The following TRPM2 variants were observed in gnomAD, a reference collection of about 807,000 sequenced individuals.
TRPM2 encodes estrogen-responsive element-associated gene 1 protein.
Under a neutral mutation model 174.0 loss-of-function variants are expected in TRPM2, and 161 were observed. That is an observed-to-expected ratio of 0.93 (90% confidence interval 0.81 to 1.05). The LOEUF (loss-of-function observed/expected upper bound fraction) is 1.05, where lower values mean the gene tolerates loss of function less well. Among genes scored for constraint, TRPM2 ranks in the 50% least tolerant of loss-of-function variants. The pLI is 0.00. For synonymous variants in TRPM2, 954 were observed against 861.3 expected (o/e 1.11, Z -1.88); for missense variants, 2,057 against 2,038.0 (o/e 1.01, Z -0.18).
At chr21:44,356,531 ATTTT>A (rs143434691) in intron 2 of TRPM2, among the ~76,000 whole-genome samples, 43 of 137,632 alleles carry the variant, frequency 3.1e-4, no homozygotes, top group African/African-American at 7.5e-4. Context: ...CTGCTTGGCT[ATTTT>A]TTTTTTTTTT....
At chr21:44,394,404 C>G (rs756814282) in intron 11 of TRPM2, among the ~76,000 whole-genome samples, 1 of 150,348 alleles carries the variant, frequency 6.7e-6, no homozygotes, top group African/African-American at 2.5e-5. Context: ...ACTGCAACCT[C>G]CACCTCCTGG....
At position 44,353,850 on chromosome 21, in the gene TRPM2, CG is replaced by C. The variant is rs1569004565; in HGVS notation, c.152del (p.Gly51AlafsTer85). 11 of 1,598,530 alleles carry C rather than the reference CG, an allele frequency of 6.9e-6. No individual in the cohort carries two copies. The South Asian group carries it at 9.0e-5, about 13-fold the overall frequency. On this transcript the variant is annotated frameshift_variant, in exon 1 of 32. Transcript: ENST00000397928. LOFTEE classifies it high-confidence loss of function. ...FKSWRLQCPF[G>X]NNDKQESLSS... The stretch of plus-strand genomic sequence containing the variant: ...AGAGCTGGAGGCTACAGTGCCCCTT[CG>C]GCAACAATGACAAGGTAGGCTTTCT...
At chr21:44,360,772 G>A (rs9980508) in intron 2 of TRPM2, among the ~76,000 whole-genome samples, 38,435 of 151,804 alleles carry the variant, frequency 0.25, 5,385 homozygotes, top group African/African-American at 0.39. Flanking sequence ...TCACCATGTT[G>A]GTCAGGCTGG....
chr21:44,368,035 TC>T (rs1177386239), intron 4 of TRPM2, among the ~76,000 whole-genome samples: 7 of 152,238 alleles, frequency 4.6e-5, no homozygotes. Flanking sequence ...AATATCCGTG[TC>T]CTTGTTGTCC....
chr21:44,353,992 A>G (rs1162605263), intron 1 of TRPM2, 127 bp downstream of exon 1: 1 of 1,157,998 alleles, frequency 8.6e-7, no homozygotes, highest in Non-Finnish European at 1.2e-6. Context: ...GCTCCTGCCC[A>G]ACCATACCTT....
chr21:44,377,871 C>A lies in TRPM2; in HGVS notation c.1014+98C>A, dbSNP rs530204777. On this transcript the variant is annotated intron_variant, in intron 7 of 31. Transcript: ENST00000397928. The stretch of plus-strand genomic sequence containing the variant: ...TTGTCTCAGAACTCAAGACTGTTGG[C>A]AAGAGGGCGATGAGCTTTCCCACCA... 5.6e-5 allele frequency: 76 copies of A among 1,359,264 alleles called. 1 individual carries two copies. The African/African-American group carries it at 8.0e-4, about 14-fold the overall frequency. The allele number at this position is 1,359,264 out of a possible 1,614,324, so 84.2% of individuals were successfully genotyped here.
chr21:44,381,608 A>G (rs1170539705), intron 8 of TRPM2, among the ~76,000 whole-genome samples: 4 of 151,924 alleles, frequency 2.6e-5, no homozygotes, highest in African/African-American at 9.7e-5. Flanking sequence ...ATAGACAGAC[A>G]GGTGATAAAA....
intron 8 of TRPM2, among the ~76,000 whole-genome samples, chr21:44,382,491 T>C (rs2048910693): frequency 6.6e-6 from 1 of 152,134 alleles, no homozygotes; most frequent in Non-Finnish European, 1.5e-5. Flanking sequence ...CCGTTGCCCT[T>C]GGATTGTGTT....
chr21:44,405,066 T>C, intron 16 of TRPM2, 76 bp from the exon 17 acceptor site: 1 of 1,591,516 alleles, frequency 6.3e-7, no homozygotes, highest in Admixed American at 1.7e-5. Context: ...TGATAGTGGA[T>C]AGTGATGTGA....
chr21:44,390,765 C>A, intron 9 of TRPM2, 139 bp from the exon 10 acceptor site: 2 of 1,122,018 alleles, frequency 1.8e-6, no homozygotes, highest in Admixed American at 2.0e-5. Flanking sequence ...GGGAGGAGGT[C>A]ACTGGGTGCT....
Position 44,434,808 on chromosome 21 carries a change from G to A in TRPM2, c.3975-323G>A, listed in dbSNP as rs562070530. ...GCCTTTGGATGCAAAGTGCTGGCCC[G>A]AGCAGTCGGCCAGTTCCATGCTCCG... is the stretch of plus-strand genomic sequence containing the variant. On this transcript the variant is annotated intron_variant, in intron 27 of 31. Transcript: ENST00000397928. Among the ~76,000 whole-genome samples the A allele has an allele frequency of 5.9e-5, 9 of 152,250 alleles. No homozygotes were observed. In the East Asian group the frequency reaches 7.7e-4, roughly 13 times the overall value.
In TRPM2 at chr21:44,353,726, C is replaced by T. The variant is rs1340172651; in HGVS notation, c.26C>T (p.Ala9Val). 6.4e-7 allele frequency: 1 copy of T among 1,562,238 alleles called. No individual in the cohort carries two copies. MEPSALRK[A>V]GSEQEEGFEG... ...ATGGAGCCCTCAGCCCTGAGGAAAG[C>T]TGGCTCGGAGCAGGAGGAGGGCTTT... The change falls in exon 1 of 32, where the codon GCT becomes GTT. Residue 9 changes from alanine (A) to valine (V), a missense_variant. Ala to Val is a moderately conservative substitution (Grantham distance 64). Coordinates refer to ENST00000397928, the MANE Select transcript of TRPM2 (RefSeq NM_003307.4).
chr21:44,414,299 C>G (rs1354494988), intron 20 of TRPM2, among the ~76,000 whole-genome samples: 2 of 152,212 alleles, frequency 1.3e-5, no homozygotes, highest in African/African-American at 4.8e-5. Context: ...GTGGGTCTGT[C>G]CTTGTGGCTG....
intron 2 of TRPM2, among the ~76,000 whole-genome samples, chr21:44,355,032 C>G (rs1240422613): frequency 1.3e-5 from 2 of 151,972 alleles, no homozygotes; most frequent in Non-Finnish European, 2.9e-5. Flanking sequence ...GGTGTGAACA[C>G]AGATGCATCC....
In TRPM2 at chr21:44,366,853, G is replaced by C. The variant is rs751155396; in HGVS notation, c.523G>C (p.Gly175Arg). The C allele has an allele frequency of 1.3e-5, 21 of 1,611,742 alleles. No homozygotes were observed. The highest frequency in any genetic ancestry group is 2.2e-5 in the East Asian group (1 of 44,772). ...CCCCAATCTCTTGATCTCGGTGACC[G>C]GGGGGGCCAAGAACTTCAACATGAA... ...DVPNLLISVT[G>R]GAKNFNMKPR... The change falls in exon 4 of 32, where the codon GGG (glycine) becomes CGG (arginine). Residue 175 changes from glycine to arginine, a missense_variant. Gly to Arg is a moderately radical substitution (Grantham distance 125). Coordinates refer to ENST00000397928, the MANE Select transcript of TRPM2 (RefSeq NM_003307.4). This position sits in a 1 kb window ranked among gnomAD's most constrained non-coding sequence, Gnocchi z 6.0.
At chr21:44,394,930 T>G (rs1367825737) in intron 11 of TRPM2, among the ~76,000 whole-genome samples, 1 of 151,550 alleles carries the variant, frequency 6.6e-6, no homozygotes, top group African/African-American at 2.4e-5. Context: ...TGCAGGGAGG[T>G]GGGTCTGGGC....
In TRPM2 at chr21:44,354,533, C is replaced by T; in HGVS notation, c.166-115C>T. 1.1e-6 allele frequency: 1 copy of T among 905,932 alleles called. No homozygotes were observed. The highest frequency in any genetic ancestry group is 1.5e-5 in the South Asian group (1 of 67,436). The allele number at this position is 905,932 out of a possible 1,614,324, so 56.1% of individuals were successfully genotyped here. ...CTTTGGCTCAGGGTCGCGCAGGCTTCCTTCCTTCAAGCAAATAGTGTGAAA... is the reference window on the plus strand; with the variant it reads ...CTTTGGCTCAGGGTCGCGCAGGCTTTCTTCCTTCAAGCAAATAGTGTGAAA... On this transcript the variant is annotated intron_variant, in intron 1 of 31. Coordinates refer to ENST00000397928, the MANE Select transcript of TRPM2 (RefSeq NM_003307.4). This position sits in a 1 kb window ranked among gnomAD's most constrained non-coding sequence, Gnocchi z 4.3.
At chr21:44,437,403 C>T (rs765299749) in intron 29 of TRPM2, among the ~76,000 whole-genome samples, 1 of 152,186 alleles carries the variant, frequency 6.6e-6, no homozygotes, top group Non-Finnish European at 1.5e-5. Flanking sequence ...TAAACACTAA[C>T]GGGGCACCTA....
intron 23 of TRPM2, among the ~76,000 whole-genome samples, chr21:44,424,060 G>A (rs2050654485): frequency 6.6e-6 from 1 of 152,184 alleles, no homozygotes; most frequent in Non-Finnish European, 1.5e-5. Flanking sequence ...GCCCTGGAGA[G>A]GCCGCAAGAC....
Sources: gnomAD v4.1 joint callset for allele counts (sites outside exome capture counted in the v4.1 genomes callset) on GRCh38, gnomAD v4.1.1 for gene constraint, Gnocchi (gnomAD v3.1) non-coding constraint, MANE v1.5 for transcripts, NCBI Gene and HGNC (gene_info 2026-07-23, HGNC 2026-07-21) for gene names.